PRKN: variants seen among roughly 807,000 people sequenced by gnomAD.
PRKN encodes parkin RBR E3 ubiquitin protein ligase.
Under a neutral mutation model 59.5 loss-of-function variants are expected in PRKN, and 56 were observed. That is an observed-to-expected ratio of 0.94 (90% confidence interval 0.76 to 1.18). The LOEUF is 1.18. PRKN is among the 50% of genes most tolerant of loss of function. The pLI, the probability that PRKN is intolerant of heterozygous loss-of-function variation, is 0.00. For synonymous variants in PRKN, 250 were observed against 222.1 expected, an observed-to-expected ratio of 1.13 and a Z score of -1.12; for missense variants, 657 against 596.4, an observed-to-expected ratio of 1.10 and a Z score of -1.06.
chr6:162,698,570 G>A (rs529764015), intron 1 of PRKN, among the ~76,000 whole-genome samples: 3 of 152,154 alleles, frequency 2.0e-5, no homozygotes, highest in Non-Finnish European at 4.4e-5. Flanking sequence ...CCTGGCTGGA[G>A]AGACTGCAAG....
intron 2 of PRKN, among the ~76,000 whole-genome samples, chr6:162,327,338 T>G (rs1248105098): frequency 6.6e-6 from 1 of 152,188 alleles, no homozygotes; most frequent in Non-Finnish European, 1.5e-5. Flanking sequence ...GAAAGTTTTG[T>G]TGTGTTTTAT....
intron 1 of PRKN, among the ~76,000 whole-genome samples, chr6:162,521,402 G>T (rs978785293): frequency 6.6e-6 from 1 of 152,036 alleles, no homozygotes; most frequent in African/African-American, 2.4e-5. Context: ...TAAACTAAAG[G>T]GTGCTTTTCT....
chr6:162,253,072 T>G (rs1426305165), intron 3 of PRKN, among the ~76,000 whole-genome samples: 2 of 152,194 alleles, frequency 1.3e-5, no homozygotes, highest in African/African-American at 4.8e-5. Flanking sequence ...CAGGACGCTG[T>G]TGTCTACAGT....
chr6:162,557,633 C>T (rs1207819103), intron 1 of PRKN, among the ~76,000 whole-genome samples: 5 of 152,118 alleles, frequency 3.3e-5, no homozygotes, highest in South Asian at 4.1e-4. Flanking sequence ...CTCAGCCTCC[C>T]GAGTAGCTGG....
chr6:161,638,738 A>AGTTTTTTTTTTTTT (rs1783620706), intron 7 of PRKN, among the ~76,000 whole-genome samples: 1 of 100,224 alleles, frequency 1.0e-5, no homozygotes, highest in African/African-American at 4.5e-5. Flanking sequence ...ACGAGATCTG[A>AGTTTTTTTTTTTTT]TTTTTTTTTT....
At chr6:161,404,842 G>A (rs1392941598) in intron 9 of PRKN, among the ~76,000 whole-genome samples, 1 of 152,162 alleles carries the variant, frequency 6.6e-6, no homozygotes, top group Non-Finnish European at 1.5e-5. Flanking sequence ...TTGCTACAGA[G>A]AACCTGACAT....
At chr6:161,630,722 T>C (rs1254381608) in intron 7 of PRKN, among the ~76,000 whole-genome samples, 2 of 152,038 alleles carry the variant, frequency 1.3e-5, no homozygotes, top group Non-Finnish European at 2.9e-5. Flanking sequence ...GTGAAGATGT[T>C]TGTCCCCCAC....
chr6:161,722,885 G>A (rs1401878344), intron 7 of PRKN, among the ~76,000 whole-genome samples: 1 of 152,076 alleles, frequency 6.6e-6, no homozygotes, highest in Non-Finnish European at 1.5e-5. Context: ...AACCTTTAAA[G>A]ATTTCCCTCT....
chr6:162,413,316 G>C (rs973411237), intron 2 of PRKN, among the ~76,000 whole-genome samples: 1 of 152,144 alleles, frequency 6.6e-6, no homozygotes, highest in Admixed American at 6.5e-5. Flanking sequence ...AAGAGTAAAT[G>C]ATTTATGGAG....
intron 1 of PRKN, among the ~76,000 whole-genome samples, chr6:162,605,193 C>T (rs1372279183): frequency 6.6e-6 from 1 of 151,992 alleles, no homozygotes; most frequent in African/African-American, 2.4e-5. Flanking sequence ...AATATGAAGG[C>T]TAAAATATAG....
At chr6:161,866,499 C>T (rs1018787310) in intron 6 of PRKN, among the ~76,000 whole-genome samples, 3 of 151,948 alleles carry the variant, frequency 2.0e-5, no homozygotes, top group South Asian at 2.1e-4. Flanking sequence ...GACATGAACC[C>T]GGGAGGCGGA....
Position 161,429,288 on chromosome 6 carries a change from T to C in PRKN, c.1084-42411A>G, listed in dbSNP as rs1788539134. Among the ~76,000 whole-genome samples the C allele has an allele frequency of 6.6e-6, 1 of 152,196 alleles. No individual in the cohort carries two copies. Among genetic ancestry groups the C allele is most frequent in the Admixed American group, 6.5e-5 (1 of 15,278 alleles). ...GCTAGGTGCTGGGCTAGGTGTGGAA[T>C]ACAATGGTAAACAAGATTGAGAAAG... On this transcript the variant is annotated intron_variant, in intron 9 of 11. Coordinates refer to ENST00000366898, the MANE Select transcript of PRKN (RefSeq NM_004562.3). The surrounding 1 kb of genome is among the most constrained non-coding windows in gnomAD (Gnocchi z 4.2).
intron 1 of PRKN, among the ~76,000 whole-genome samples, chr6:162,456,777 A>G (rs553095886): frequency 6.6e-6 from 1 of 152,272 alleles, no homozygotes; most frequent in South Asian, 2.1e-4. Flanking sequence ...CTTGTTTATT[A>G]CATTTTATTG....
intron 2 of PRKN, among the ~76,000 whole-genome samples, chr6:162,333,910 AACAC>A (rs1369571022): frequency 6.6e-6 from 1 of 152,322 alleles, no homozygotes; most frequent in Non-Finnish European, 1.5e-5. Context: ...TACTCCAGTG[AACAC>A]ACAAACGAAA....
chr6:161,897,051 G>C (rs1334018079), intron 6 of PRKN, among the ~76,000 whole-genome samples: 3 of 152,136 alleles, frequency 2.0e-5, no homozygotes, highest in Non-Finnish European at 2.9e-5. Flanking sequence ...AGTATTCCTA[G>C]TATCTTCTAA....
intron 7 of PRKN, among the ~76,000 whole-genome samples, chr6:161,759,144 T>G (rs1244738192): frequency 6.6e-6 from 1 of 150,982 alleles, no homozygotes; most frequent in Non-Finnish European, 1.5e-5. Flanking sequence ...ACCACTGCAT[T>G]CCAGCCTGGC....
At position 162,262,915 on chromosome 6, in the gene PRKN, TTACACAC is replaced by T. The variant is rs1382610867; in HGVS notation, c.172-157_172-151del. 14 of 941,150 alleles carry T rather than the reference TTACACAC, an allele frequency of 1.5e-5. No homozygotes were observed. The African/African-American group carries it at 1.8e-4, about 12-fold the overall frequency. 58.3% of individuals were successfully genotyped at this position (941,150 alleles called of 1,614,324 possible). ...TTAGGTGCTCCTTTGCCCACAGCAG[TTACACAC>T]TACACACGGTAGACAAACAACACTG... On this transcript the variant is annotated intron_variant, in intron 2 of 11. Coordinates refer to ENST00000366898, the MANE Select transcript of PRKN (RefSeq NM_004562.3).
chr6:162,679,733 C>G (rs560784841), intron 1 of PRKN, among the ~76,000 whole-genome samples: 1 of 152,280 alleles, frequency 6.6e-6, no homozygotes, highest in East Asian at 1.9e-4. Context: ...AACCCCTTCT[C>G]AAAAGGGCGA....
intron 2 of PRKN, among the ~76,000 whole-genome samples, chr6:162,275,921 G>A (rs986035973): frequency 2.0e-5 from 3 of 152,196 alleles, no homozygotes; most frequent in Non-Finnish European, 4.4e-5. Flanking sequence ...AGAGGCGCAA[G>A]AGTCTTTGGT....
Sources: gnomAD v4.1 joint callset for allele counts (sites outside exome capture counted in the v4.1 genomes callset) on GRCh38, gnomAD v4.1.1 for gene constraint, Gnocchi (gnomAD v3.1) non-coding constraint, MANE v1.5 for transcripts, NCBI Gene and HGNC (gene_info 2026-07-23, HGNC 2026-07-21) for gene names.